Variants in NCKAP5 observed in about 807,000 individuals in gnomAD.
NCKAP5 encodes the protein nck-associated protein 5.
NCKAP5 carries 92 observed loss-of-function variants against 167.0 expected under a neutral mutation model. That is an observed-to-expected ratio of 0.55 (90% CI 0.47 to 0.66). NCKAP5 has a LOEUF of 0.66. NCKAP5 is among the 30% of genes least tolerant of loss of function. The pLI, the probability that NCKAP5 is intolerant of heterozygous loss-of-function variation, is 0.00. For synonymous variants in NCKAP5, 891 were observed against 877.4 expected (o/e 1.02, Z -0.27); for missense variants, 2,378 against 2,315.0 (o/e 1.03, Z -0.56).
At chr2:132,999,405 C>T (rs1195989553) in intron 6 of NCKAP5, among the ~76,000 whole-genome samples, 2 of 152,186 alleles carry the variant, frequency 1.3e-5, no homozygotes, top group African/African-American at 4.8e-5. Flanking sequence ...TCCCAGGGGA[C>T]CACCTTTGTC....
chr2:132,900,224 T>C (rs971947483), intron 8 of NCKAP5, among the ~76,000 whole-genome samples: 9 of 152,154 alleles, frequency 5.9e-5, no homozygotes, highest in African/African-American at 1.7e-4. Flanking sequence ...TGTGAGATTA[T>C]AAAAATGTGA....
chr2:133,075,734 A>G (rs2080579265), intron 6 of NCKAP5, among the ~76,000 whole-genome samples: 1 of 152,186 alleles, frequency 6.6e-6, no homozygotes, highest in Non-Finnish European at 1.5e-5. Flanking sequence ...GAAAAACAAT[A>G]GATAGGTTTT....
intron 10 of NCKAP5, among the ~76,000 whole-genome samples, chr2:132,866,493 G>A (rs1489362933): frequency 2.6e-5 from 4 of 152,084 alleles, no homozygotes; most frequent in Admixed American, 2.6e-4. Context: ...GAATCCACAG[G>A]TTTTTGAGAT....
intron 5 of NCKAP5, among the ~76,000 whole-genome samples, chr2:133,191,031 G>C (rs4954044): frequency 0.33 from 50,494 of 151,830 alleles, 9,187 homozygotes; most frequent in East Asian, 0.66. Context: ...ATCTGACAAA[G>C]GGCTAATATA....
chr2:133,645,526 G>A, the NCKAP5 span, among the ~76,000 whole-genome samples: 2 of 152,134 alleles, frequency 1.3e-5, no homozygotes, highest in Non-Finnish European at 2.9e-5. Context: ...TATTAATGAA[G>A]CAGTACTACA....
intron 3 of NCKAP5, among the ~76,000 whole-genome samples, chr2:133,445,853 C>T (rs1367137124): frequency 2.0e-5 from 3 of 152,108 alleles, no homozygotes; most frequent in Non-Finnish European, 4.4e-5. Flanking sequence ...AAGAAAGCAA[C>T]AACAGCAACA....
chr2:133,476,147 A>G (rs1191698271), intron 3 of NCKAP5, among the ~76,000 whole-genome samples: 7 of 152,216 alleles, frequency 4.6e-5, no homozygotes, highest in Admixed American at 3.9e-4. Flanking sequence ...TTTTCGAATT[A>G]ATTTTAACAG....
chr2:133,635,171 G>A, the NCKAP5 span, among the ~76,000 whole-genome samples: 16 of 152,244 alleles, frequency 1.1e-4, no homozygotes, highest in African/African-American at 3.4e-4. Context: ...ACCATGCCTG[G>A]CTGTATTTTT....
Position 133,213,742 on chromosome 2 carries a change from C to T in NCKAP5, c.181G>A (p.Ala61Thr). ...LAVARLQREV[A>T]QRTSEGAMHE... The stretch of plus-strand genomic sequence containing the variant: ...ATGGCCCCCTCACTTGTTCTTTGGG[C>T]AACTTCTCGCTGTAGTCGGGCCACT... The change falls in exon 5 of 20, where the codon GCC becomes ACC. Residue 61 changes from alanine (A) to threonine (T), a missense_variant. Ala to Thr is a moderately conservative substitution (Grantham distance 58). Transcript: ENST00000409261. 6.2e-7 allele frequency: 1 copy of T among 1,613,744 alleles called. No homozygotes were observed. The highest frequency in any genetic ancestry group is 2.2e-5 in the East Asian group (1 of 44,868).
At chr2:133,330,251 T>A (rs1270995506) in intron 3 of NCKAP5, among the ~76,000 whole-genome samples, 1 of 138,398 alleles carries the variant, frequency 7.2e-6, no homozygotes, top group Non-Finnish European at 1.6e-5. Flanking sequence ...TGTATTTTTT[T>A]TTTTTTTTTT....
At chr2:132,976,888 G>T (rs1573612143) in intron 7 of NCKAP5, among the ~76,000 whole-genome samples, 1 of 151,894 alleles carries the variant, frequency 6.6e-6, no homozygotes, top group Admixed American at 6.6e-5. Flanking sequence ...TATCATTTTT[G>T]TGTGTGTGTG....
chr2:132,844,830 AC>A (rs1357334376), intron 11 of NCKAP5, among the ~76,000 whole-genome samples: 1 of 152,156 alleles, frequency 6.6e-6, no homozygotes, highest in Non-Finnish European at 1.5e-5. Flanking sequence ...AGATGCTTTT[AC>A]TACTAAACTG....
At chr2:133,146,517 G>A (rs2083203506) in intron 5 of NCKAP5, among the ~76,000 whole-genome samples, 1 of 152,104 alleles carries the variant, frequency 6.6e-6, no homozygotes. Flanking sequence ...ACTGTAAAGT[G>A]TGAGTTGCTT....
chr2:133,052,056 C>T (rs769973327), intron 6 of NCKAP5, among the ~76,000 whole-genome samples: 63 of 152,176 alleles, frequency 4.1e-4, no homozygotes, highest in Non-Finnish European at 8.8e-5. Context: ...TGCCTACTAG[C>T]TACCTCTCCT....
intron 4 of NCKAP5, among the ~76,000 whole-genome samples, chr2:133,247,313 G>A (rs771178916): frequency 8.5e-5 from 13 of 152,132 alleles, no homozygotes; most frequent in African/African-American, 2.4e-4. Flanking sequence ...CATTAATGAC[G>A]TTGTTATAAA....
intron 10 of NCKAP5, among the ~76,000 whole-genome samples, chr2:132,866,922 T>G (rs1192614639): frequency 6.6e-6 from 1 of 152,170 alleles, no homozygotes; most frequent in East Asian, 1.9e-4. Context: ...AATTTTACAG[T>G]GCCCATAAAA....
At chr2:133,547,283 C>T (rs929278699) in intron 2 of NCKAP5, among the ~76,000 whole-genome samples, 20 of 152,252 alleles carry the variant, frequency 1.3e-4, no homozygotes, top group African/African-American at 4.8e-4. Context: ...AACTGCAAGG[C>T]GGCAGAGAGG....
chr2:133,508,679 A>C (rs564105487), intron 3 of NCKAP5, among the ~76,000 whole-genome samples: 3 of 152,332 alleles, frequency 2.0e-5, no homozygotes, highest in African/African-American at 7.2e-5. Flanking sequence ...AGCACTAGAG[A>C]GTCTGCCATG....
chr2:133,283,412 G>T (rs534511413), intron 4 of NCKAP5, among the ~76,000 whole-genome samples: 1 of 152,078 alleles, frequency 6.6e-6, no homozygotes, highest in African/African-American at 2.4e-5. Context: ...TCATTCTATA[G>T]ATTCTATAGA....
Sources: gnomAD v4.1 joint callset for allele counts (sites outside exome capture counted in the v4.1 genomes callset) on GRCh38, gnomAD v4.1.1 for gene constraint, MANE v1.5 for transcripts, NCBI Gene and HGNC (gene_info 2026-07-23, HGNC 2026-07-21) for gene names.